GRIK4: variants seen among roughly 807,000 people sequenced by gnomAD.
GRIK4 encodes glutamate ionotropic receptor kainate type subunit 4, also known as glutamate receptor ionotropic, kainate 4.
GRIK4 carries 40 observed loss-of-function variants against 104.9 expected under a neutral mutation model. The observed-to-expected ratio is 0.38, with a 90% CI of 0.30 to 0.50. The LOEUF (loss-of-function observed/expected upper bound fraction) is 0.50. GRIK4 is among the 20% of genes least tolerant of loss of function. The pLI is 0.93. For missense variants in GRIK4, 1,047 were observed against 1,308.1 expected, an observed-to-expected ratio of 0.80 and a Z score of 3.08; for synonymous variants, 485 against 524.9, an observed-to-expected ratio of 0.92 and a Z score of 1.04.
chr11:120,947,828 T>C lies in GRIK4; in HGVS notation c.1591-5027T>C, dbSNP rs527437556. Among the ~76,000 whole-genome samples, 103 of 152,226 alleles carry C rather than the reference T, an allele frequency of 6.8e-4. 1 individual carries two copies. Among genetic ancestry groups the C allele is most frequent in the African/African-American group, 2.3e-3 (95 of 41,540 alleles). On this transcript the variant is annotated intron_variant, in intron 14 of 20. Coordinates refer to ENST00000527524, the MANE Select transcript of GRIK4 (RefSeq NM_014619.5). The stretch of plus-strand genomic sequence containing the variant: ...GGGAAGACAATGGCACCCAGAGAAG[T>C]TGAGTGACTTGCCTAGCACCACCAC...
chr11:120,592,743 G>A (rs926090378), intron 1 of GRIK4, among the ~76,000 whole-genome samples: 7 of 152,020 alleles, frequency 4.6e-5, no homozygotes, highest in East Asian at 1.9e-4. Flanking sequence ...CTGCAAGCCC[G>A]CCTGACCTCC....
chr11:120,702,313 A>G (rs1950566648), intron 3 of GRIK4, among the ~76,000 whole-genome samples: 1 of 151,990 alleles, frequency 6.6e-6, no homozygotes, highest in African/African-American at 2.4e-5. Context: ...TGCAGTAGGG[A>G]AGGAGGTTGG....
chr11:120,887,598 A>G (rs1289314418), intron 11 of GRIK4, among the ~76,000 whole-genome samples: 1 of 152,228 alleles, frequency 6.6e-6, no homozygotes, highest in African/African-American at 2.4e-5. Flanking sequence ...AGTACCCTGT[A>G]TAGGCCAGGC....
chr11:120,649,081 G>A (rs1216612090), intron 1 of GRIK4, among the ~76,000 whole-genome samples: 1 of 152,164 alleles, frequency 6.6e-6, no homozygotes, highest in Non-Finnish European at 1.5e-5. Flanking sequence ...CCCTGCATGT[G>A]CCCTTAGGCA....
intron 14 of GRIK4, among the ~76,000 whole-genome samples, chr11:120,950,232 A>G (rs1943967144): frequency 6.6e-6 from 1 of 152,238 alleles, no homozygotes; most frequent in Non-Finnish European, 1.5e-5. Context: ...AATCACAAGT[A>G]GAATCAGATG....
At chr11:120,822,661 G>A (rs779436147) in intron 6 of GRIK4, among the ~76,000 whole-genome samples, 1 of 152,218 alleles carries the variant, frequency 6.6e-6, no homozygotes, top group African/African-American at 2.4e-5. Flanking sequence ...CAGCACAAGT[G>A]TGGAACATTC....
chr11:120,845,696 T>G (rs1953835061), intron 8 of GRIK4, among the ~76,000 whole-genome samples: 1 of 151,762 alleles, frequency 6.6e-6, no homozygotes, highest in African/African-American at 2.4e-5. Context: ...GAAGTTACAA[T>G]CCATCAGCCA....
intron 1 of GRIK4, among the ~76,000 whole-genome samples, chr11:120,582,399 A>G (rs145152487): frequency 0.013 from 1,910 of 152,094 alleles, 17 homozygotes; most frequent in Admixed American, 0.016. Flanking sequence ...TGGTCAGACT[A>G]TTTCATCGCC....
intron 13 of GRIK4, among the ~76,000 whole-genome samples, chr11:120,932,829 G>GCGGGCA (rs1555097370): frequency 6.6e-6 from 1 of 152,186 alleles, no homozygotes; most frequent in Non-Finnish European, 1.5e-5. Context: ...GGCATGTAGA[G>GCGGGCA]GGGGCAGGGG....
chr11:120,985,627 C>CAAAAAA (rs34882153), intron 20 of GRIK4, among the ~76,000 whole-genome samples: 1 of 113,962 alleles, frequency 8.8e-6, no homozygotes, highest in Non-Finnish European at 1.8e-5. Flanking sequence ...TGGAAATGTG[C>CAAAAAA]AAAAAAAAAA....
At chr11:120,650,861 T>C (rs1949608602) in intron 1 of GRIK4, among the ~76,000 whole-genome samples, 1 of 152,228 alleles carries the variant, frequency 6.6e-6, no homozygotes. Flanking sequence ...TGCAAAGTAA[T>C]TCTACTTCCA....
chr11:120,768,178 T>G (rs1224264194), intron 3 of GRIK4, among the ~76,000 whole-genome samples: 1 of 152,102 alleles, frequency 6.6e-6, no homozygotes, highest in East Asian at 1.9e-4. Context: ...TCTTATTCAT[T>G]AACATGGGAT....
rs998404108 is a variant in GRIK4 at position 120,986,004 on chromosome 11, G to A, written c.2615G>A (p.Arg872Gln). The A allele has an allele frequency of 1.3e-6, 2 of 1,530,018 alleles. No individual in the cohort carries two copies. Among genetic ancestry groups the A allele is most frequent in the Non-Finnish European group, 1.8e-6 (2 of 1,139,170 alleles). The allele number at this position is 1,530,018 out of a possible 1,614,324, so 94.8% of individuals were successfully genotyped here. ...RRRRAAVPPP[R>Q]PPIPEERRPR... ...CGGCGCGCCGCAGTCCCGCCGCCCC[G>A]GCCCCCCATCCCCGAGGAGCGCCGA... is the stretch of plus-strand genomic sequence containing the variant. The change falls in exon 21 of 21, where the codon CGG becomes CAG. Residue 872 changes from arginine (R) to glutamine (Q), a missense_variant. Transcript: ENST00000527524.
chr11:120,535,127 A>C (rs1947959605), intron 1 of GRIK4, among the ~76,000 whole-genome samples: 1 of 152,122 alleles, frequency 6.6e-6, no homozygotes. Flanking sequence ...ACGTGATGTC[A>C]CTAAATGCGG....
intron 1 of GRIK4, among the ~76,000 whole-genome samples, chr11:120,592,416 C>G (rs192314962): frequency 2.5e-4 from 38 of 152,300 alleles, no homozygotes; most frequent in Non-Finnish European, 2.2e-4. Flanking sequence ...AATGACGAAC[C>G]CTGAGAACAA....
At chr11:120,614,182 A>G (rs1225858567) in intron 1 of GRIK4, among the ~76,000 whole-genome samples, 1 of 152,202 alleles carries the variant, frequency 6.6e-6, no homozygotes, top group Non-Finnish European at 1.5e-5. Context: ...ACAGACCCCA[A>G]GTGAAGACAG....
intron 13 of GRIK4, among the ~76,000 whole-genome samples, chr11:120,937,671 A>T (rs1943627705): frequency 6.6e-6 from 1 of 152,136 alleles, no homozygotes; most frequent in Admixed American, 6.5e-5. Context: ...AGTGTCAGTG[A>T]GTGAGTAGAC....
chr11:120,774,478 G>A (rs61901424), intron 3 of GRIK4, among the ~76,000 whole-genome samples: 2 of 152,176 alleles, frequency 1.3e-5, no homozygotes, highest in Admixed American at 6.5e-5. Flanking sequence ...AGGTCAAAAG[G>A]CAGAAGTCTG....
At chr11:120,516,729 G>A (rs960954760) in intron 1 of GRIK4, among the ~76,000 whole-genome samples, 6 of 152,212 alleles carry the variant, frequency 3.9e-5, no homozygotes, top group African/African-American at 1.4e-4. Context: ...GGATGCAGCA[G>A]ATGAAGGAGC....
Sources: allele counts gnomAD v4.1 joint callset (sites outside exome capture counted in the v4.1 genomes callset), GRCh38; gene constraint gnomAD v4.1.1; transcripts MANE v1.5; gene names NCBI Gene and HGNC (gene_info 2026-07-23, HGNC 2026-07-21).